The following DLC1 variants were observed in gnomAD, a reference collection of about 807,000 sequenced individuals.
DLC1 encodes DLC1 Rho GTPase activating protein, also known as rho GTPase-activating protein 7.
In DLC1, 54 loss-of-function variants were observed where a neutral mutation model predicts 140.3. The observed-to-expected ratio is 0.38, with a 90% CI of 0.31 to 0.48. DLC1 has a LOEUF of 0.48. DLC1 is among the 20% of genes least tolerant of loss of function. The probability of loss-of-function intolerance (pLI) is 0.96; values close to 1 mark genes in which losing one functional copy is unlikely to be tolerated. For missense variants in DLC1, 2,536 were observed against 1,907.0 expected (o/e 1.33, Z -6.14); for synonymous variants, 986 against 728.1 (o/e 1.35, Z -5.70).
intron 1 of DLC1, among the ~76,000 whole-genome samples, chr8:13,529,427 G>A (rs1353805128): frequency 3.3e-5 from 5 of 152,106 alleles, no homozygotes; most frequent in South Asian, 2.1e-4. Context: ...CCTATCCTAA[G>A]GTCTAACTCT....
At chr8:13,303,026 T>C (rs11995165) in intron 5 of DLC1, among the ~76,000 whole-genome samples, 1 of 152,146 alleles carries the variant, frequency 6.6e-6, no homozygotes, top group South Asian at 2.1e-4. Context: ...TTTGTTACCG[T>C]GATTCATAAA....
chr8:13,389,658 C>T (rs750452486), intron 4 of DLC1, among the ~76,000 whole-genome samples: 36 of 152,084 alleles, frequency 2.4e-4, no homozygotes, highest in Non-Finnish European at 4.0e-4. Context: ...CTGATGATGA[C>T]TCATCGGTCC....
At chr8:13,455,206 G>C (rs763298328) in intron 2 of DLC1, among the ~76,000 whole-genome samples, 5 of 152,100 alleles carry the variant, frequency 3.3e-5, no homozygotes, top group Non-Finnish European at 5.9e-5. Flanking sequence ...CTTTGATAAA[G>C]GGAAAAAGGT....
At chr8:13,354,042 C>T (rs1389702803) in intron 4 of DLC1, among the ~76,000 whole-genome samples, 2 of 146,954 alleles carry the variant, frequency 1.4e-5, no homozygotes, top group Non-Finnish European at 3.0e-5. Context: ...ACATACTGAA[C>T]TTTTTTTTTT....
chr8:13,194,383 A>G (rs892437220), intron 5 of DLC1, among the ~76,000 whole-genome samples: 9 of 152,240 alleles, frequency 5.9e-5, no homozygotes, highest in African/African-American at 2.2e-4. Flanking sequence ...ACATATTGTT[A>G]CTGATCTCCT....
At chr8:13,325,526 G>A (rs1833303144) in intron 4 of DLC1, among the ~76,000 whole-genome samples, 1 of 152,018 alleles carries the variant, frequency 6.6e-6, no homozygotes. Context: ...TATAAAAGCT[G>A]GTTGATGAGT....
At chr8:13,362,270 G>A (rs527825813) in intron 4 of DLC1, among the ~76,000 whole-genome samples, 1 of 152,320 alleles carries the variant, frequency 6.6e-6, no homozygotes, top group East Asian at 1.9e-4. Context: ...CTTACTGGAA[G>A]TTCACCAGTA....
chr8:13,306,744 T>C (rs1274023811), intron 4 of DLC1, among the ~76,000 whole-genome samples: 2 of 152,010 alleles, frequency 1.3e-5, no homozygotes, highest in Non-Finnish European at 2.9e-5. Flanking sequence ...TTAGGGGATT[T>C]TGTGATTGAT....
chr8:13,276,435 C>T, intron 5 of DLC1: 2 of 1,426,336 alleles, frequency 1.4e-6, no homozygotes, highest in South Asian at 1.4e-5. Flanking sequence ...GCCCGGGCGC[C>T]GCGACCATGC....
chr8:13,431,769 G>A (rs1280167457), intron 2 of DLC1, among the ~76,000 whole-genome samples: 1 of 152,142 alleles, frequency 6.6e-6, no homozygotes, highest in Non-Finnish European at 1.5e-5. Context: ...CTTGGGAAAG[G>A]GAACGTGGGT....
chr8:13,261,719 G>A (rs1045310986), intron 5 of DLC1, among the ~76,000 whole-genome samples: 1 of 152,066 alleles, frequency 6.6e-6, no homozygotes, highest in Non-Finnish European at 1.5e-5. Context: ...GAAATGTAGG[G>A]TATGAAAGAA....
At chr8:13,283,783 G>A (rs1273351122) in intron 5 of DLC1, among the ~76,000 whole-genome samples, 1 of 152,162 alleles carries the variant, frequency 6.6e-6, no homozygotes, top group African/African-American at 2.4e-5. Context: ...CCAAAGTGTT[G>A]GGATTGCAGA....
intron 2 of DLC1, among the ~76,000 whole-genome samples, chr8:13,490,368 G>T (rs549060035): frequency 6.6e-6 from 1 of 152,110 alleles, no homozygotes; most frequent in African/African-American, 2.4e-5. Context: ...AATTGGTGAG[G>T]TTATCTTTAA....
At chr8:13,543,098 A>G (rs539050198) in intron 1 of DLC1, among the ~76,000 whole-genome samples, 1 of 152,260 alleles carries the variant, frequency 6.6e-6, no homozygotes, top group East Asian at 1.9e-4. Context: ...AAAAGGGTCA[A>G]TTTTGCTTGT....
intron 5 of DLC1, among the ~76,000 whole-genome samples, chr8:13,151,656 T>C (rs1156633915): frequency 6.6e-6 from 1 of 152,194 alleles, no homozygotes; most frequent in Non-Finnish European, 1.5e-5. Flanking sequence ...TTGATTGCCA[T>C]CCAGAAACTA....
chr8:13,341,481 C>T (rs1344399684), intron 4 of DLC1: 1 of 152,130 alleles, frequency 6.6e-6, no homozygotes, highest in African/African-American at 2.4e-5. Flanking sequence ...TGGGGCAGGG[C>T]CTGGGAATTT....
chr8:13,139,528 T>A (rs566841602), intron 5 of DLC1, among the ~76,000 whole-genome samples: 1 of 152,314 alleles, frequency 6.6e-6, no homozygotes, highest in South Asian at 2.1e-4. Context: ...ACAGCTCTGT[T>A]AATAGCGCTC....
chr8:13,313,970 G>A (rs1174251764), intron 4 of DLC1, among the ~76,000 whole-genome samples: 1 of 152,142 alleles, frequency 6.6e-6, no homozygotes, highest in Non-Finnish European at 1.5e-5. Context: ...CAGAGGAGCA[G>A]ACTCCCATTT....
At chr8:13,511,326 T>TA (rs1451618375) in intron 1 of DLC1, among the ~76,000 whole-genome samples, 2 of 151,852 alleles carry the variant, frequency 1.3e-5, no homozygotes, top group Non-Finnish European at 2.9e-5. Flanking sequence ...CTTTCACCTT[T>TA]TTTTTTGGCA....
Sources: gnomAD v4.1 joint callset for allele counts (sites outside exome capture counted in the v4.1 genomes callset) on GRCh38, gnomAD v4.1.1 for gene constraint, MANE v1.5 for transcripts, NCBI Gene and HGNC (gene_info 2026-07-23, HGNC 2026-07-21) for gene names.